Variants in LIPC observed in about 807,000 individuals in gnomAD.
The protein encoded by LIPC is hepatic triacylglycerol lipase.
Under a neutral mutation model 50.7 loss-of-function variants are expected in LIPC, and 44 were observed. The ratio of observed to expected loss-of-function variants is 0.87; its 90% CI spans 0.68 to 1.11. The LOEUF (loss-of-function observed/expected upper bound fraction) is 1.11, where lower values mean the gene tolerates loss of function less well. Ranked by LOEUF, LIPC falls within the 50% of genes most tolerant of loss-of-function variation. LIPC has a pLI of 0.00. For synonymous variants in LIPC, 271 were observed against 256.4 expected (o/e 1.06, Z -0.54); for missense variants, 697 against 648.2 (o/e 1.08, Z -0.82).
At chr15:58,491,120 T>G (rs1192406858) in intron 1 of LIPC, among the ~76,000 whole-genome samples, 1 of 152,204 alleles carries the variant, frequency 6.6e-6, no homozygotes, top group East Asian at 1.9e-4. Context: ...TCTTAGCTCC[T>G]GACAGCCAGG....
intron 1 of LIPC, among the ~76,000 whole-genome samples, chr15:58,519,134 C>G (rs1042924722): frequency 6.6e-6 from 1 of 152,068 alleles, no homozygotes; most frequent in Non-Finnish European, 1.5e-5. Flanking sequence ...TTCAGCCAAG[C>G]GCAGTGGCTC....
At chr15:58,451,585 A>C (rs1400907906) in intron 1 of LIPC, among the ~76,000 whole-genome samples, 1 of 152,196 alleles carries the variant, frequency 6.6e-6, no homozygotes, top group African/African-American at 2.4e-5. Context: ...AGATGGCCAC[A>C]GGCAGGAGAA....
At chr15:58,557,947 C>G (rs1288807294) in intron 6 of LIPC, among the ~76,000 whole-genome samples, 1 of 152,208 alleles carries the variant, frequency 6.6e-6, no homozygotes, top group African/African-American at 2.4e-5. Flanking sequence ...GTTTCCTTGA[C>G]AAACCCCCAA....
chr15:58,507,478 C>T (rs760422584), intron 1 of LIPC, among the ~76,000 whole-genome samples: 2 of 152,160 alleles, frequency 1.3e-5, no homozygotes. Context: ...GACATATCTA[C>T]GATTGAATTA....
chr15:58,501,237 C>T (rs1269085856), intron 1 of LIPC, among the ~76,000 whole-genome samples: 1 of 152,072 alleles, frequency 6.6e-6, no homozygotes, highest in African/African-American at 2.4e-5. Context: ...CAGGCCCCCT[C>T]GCCTATATAC....
chr15:58,439,508 G>A (rs171873), intron 1 of LIPC, among the ~76,000 whole-genome samples: 7,859 of 152,240 alleles, frequency 0.052, 317 homozygotes, highest in African/African-American at 0.12. Context: ...CAGTGGCACA[G>A]TCTTGGCTCG....
chr15:58,545,647 T>G (rs536151840), intron 4 of LIPC, 95 bp from the exon 5 acceptor site: 654 of 1,035,388 alleles, frequency 6.3e-4, no homozygotes, highest in Non-Finnish European at 8.2e-4. Context: ...TTCCTGCTAG[T>G]TCACTGATGT....
chr15:58,461,390 T>C (rs1188427635), intron 1 of LIPC, among the ~76,000 whole-genome samples: 1 of 152,086 alleles, frequency 6.6e-6, no homozygotes, highest in South Asian at 2.1e-4. Context: ...TTGAACACAG[T>C]CTCAGTACAG....
At chr15:58,480,321 G>C (rs1891142619) in intron 1 of LIPC, among the ~76,000 whole-genome samples, 1 of 152,078 alleles carries the variant, frequency 6.6e-6, no homozygotes, top group African/African-American at 2.4e-5. Context: ...TCGAAATGGA[G>C]TCTCGCTTTG....
At chr15:58,474,372 GC>G (rs1890910436) in intron 1 of LIPC, among the ~76,000 whole-genome samples, 1 of 152,082 alleles carries the variant, frequency 6.6e-6, no homozygotes, top group Non-Finnish European at 1.5e-5. Context: ...ACAAAATTTA[GC>G]TGGGCTTGAT....
rs1364039527 is a variant in LIPC, at chr15:58,441,224, CTT to C, written c.88+9106_88+9107del. On this transcript the variant is annotated intron_variant, in intron 1 of 8. Coordinates refer to ENST00000299022, the MANE Select transcript of LIPC (RefSeq NM_000236.3). ...AAGCCTCAAGGCTTGGAGCAAGTCT[CTT>C]TGAAGTTTTCTTATGAATTGCTATG... Among the ~76,000 whole-genome samples the C allele has an allele frequency of 3.3e-5, 5 of 152,338 alleles. No homozygotes were observed. In the South Asian group the frequency reaches 6.2e-4, roughly 19 times the overall value.
At chr15:58,495,075 C>T (rs1412252534) in intron 1 of LIPC, among the ~76,000 whole-genome samples, 5 of 152,148 alleles carry the variant, frequency 3.3e-5, no homozygotes, top group Admixed American at 3.3e-4. Flanking sequence ...ATTTAGAACA[C>T]AGAAGACTTT....
intron 8 of LIPC, among the ~76,000 whole-genome samples, chr15:58,567,317 ATATGTGTATATATATATATATGTATATG>A (rs1894415007): frequency 6.2e-5 from 2 of 32,162 alleles, no homozygotes; most frequent in South Asian, 1.6e-3. Flanking sequence ...ATATATATGT[ATATGTGTATATATATATATATGTATATG>A]TATATATATA....
At chr15:58,505,432 A>C (rs776986470) in intron 1 of LIPC, among the ~76,000 whole-genome samples, 9 of 152,232 alleles carry the variant, frequency 5.9e-5, no homozygotes, top group Admixed American at 2.0e-4. Context: ...AAATGTTGAC[A>C]ACAGGGCTCA....
intron 1 of LIPC, among the ~76,000 whole-genome samples, chr15:58,533,389 A>G (rs1321747040): frequency 6.6e-6 from 1 of 152,266 alleles, no homozygotes; most frequent in Non-Finnish European, 1.5e-5. Flanking sequence ...CTGAAGATCA[A>G]TTTGAATATA....
At chr15:58,519,615 AG>A (rs1262418989) in intron 1 of LIPC, among the ~76,000 whole-genome samples, 1 of 152,144 alleles carries the variant, frequency 6.6e-6, no homozygotes, top group Non-Finnish European at 1.5e-5. Flanking sequence ...AGTTCCTTCC[AG>A]GTTCTCTCTG....
In LIPC at chr15:58,508,686, G is replaced by A. The variant is rs776196539; in HGVS notation, c.89-29647G>A. On this transcript the variant is annotated intron_variant, in intron 1 of 8. Transcript: ENST00000299022. Reference sequence around the variant, plus strand: ...CTGGGGGCTGAGGGAGAGTCCTTACGACTGACATAGTCCCCAACAAGGTTC... The same window carrying A: ...CTGGGGGCTGAGGGAGAGTCCTTACAACTGACATAGTCCCCAACAAGGTTC... 2.2e-4 allele frequency among the ~76,000 whole-genome samples: 34 copies of A among 151,644 alleles called. 1 individual carries two copies. Among genetic ancestry groups the A allele is most frequent in the African/African-American group, 2.9e-4 (12 of 41,202 alleles).
intron 1 of LIPC, chr15:58,523,009 G>A (rs1488009355): frequency 6.6e-6 from 1 of 152,350 alleles, no homozygotes; most frequent in East Asian, 1.9e-4. Flanking sequence ...TGCTGGGGAA[G>A]CATCAGTCTC....
intron 1 of LIPC, among the ~76,000 whole-genome samples, chr15:58,490,407 A>G (rs1891546549): frequency 6.6e-6 from 1 of 152,194 alleles, no homozygotes; most frequent in African/African-American, 2.4e-5. Context: ...TATTTCTTAC[A>G]GGGCTCTTGA....
Sources: allele counts gnomAD v4.1 joint callset (sites outside exome capture counted in the v4.1 genomes callset), GRCh38; gene constraint gnomAD v4.1.1; transcripts MANE v1.5; gene names NCBI Gene and HGNC (gene_info 2026-07-23, HGNC 2026-07-21).